ADGRL2: variants seen among roughly 807,000 people sequenced by gnomAD.
ADGRL2 encodes calcium-independent alpha-latrotoxin receptor 2.
ADGRL2 carries 44 observed loss-of-function variants against 157.4 expected under a neutral mutation model. The ratio of observed to expected loss-of-function variants is 0.28; its 90% CI spans 0.22 to 0.36. The LOEUF is 0.36. Among genes scored for constraint, ADGRL2 ranks in the 10% least tolerant of loss-of-function variants. The pLI, the probability that ADGRL2 is intolerant of heterozygous loss-of-function variation, is 1.00. For missense variants in ADGRL2, 1,510 were observed against 1,768.9 expected (o/e 0.85, Z 2.63); for synonymous variants, 585 against 624.7 (o/e 0.94, Z 0.95).
chr1:81,899,165 T>C (rs745972640), intron 2 of ADGRL2, among the ~76,000 whole-genome samples: 2 of 152,208 alleles, frequency 1.3e-5, no homozygotes, highest in Non-Finnish European at 2.9e-5. Context: ...TTTACAGAAA[T>C]GTTTTAAGGA....
chr1:81,691,580 C>T (rs956010549), intron 3 of ADGRL2, among the ~76,000 whole-genome samples: 10 of 151,794 alleles, frequency 6.6e-5, no homozygotes, highest in African/African-American at 2.4e-4. Context: ...CTCACTGCAA[C>T]CTCCACTTCC....
intron 3 of ADGRL2, among the ~76,000 whole-genome samples, chr1:81,600,828 A>G (rs1330736368): frequency 6.6e-6 from 1 of 152,246 alleles, no homozygotes; most frequent in African/African-American, 2.4e-5. Context: ...GATTTACTTA[A>G]AAACCTGGAG....
intron 1 of ADGRL2, among the ~76,000 whole-genome samples, chr1:81,441,993 C>G (rs1019064547): frequency 6.6e-6 from 1 of 152,066 alleles, no homozygotes; most frequent in Admixed American, 6.6e-5. Flanking sequence ...ACTACCATGC[C>G]TGGTTAATTT....
At chr1:81,661,470 G>T (rs185055528) in intron 3 of ADGRL2, among the ~76,000 whole-genome samples, 1 of 152,232 alleles carries the variant, frequency 6.6e-6, no homozygotes, top group African/African-American at 2.4e-5. Flanking sequence ...CATGGAAAAA[G>T]CATCTAAATA....
intron 3 of ADGRL2, among the ~76,000 whole-genome samples, chr1:81,932,418 T>C (rs2095246301): frequency 6.6e-6 from 1 of 152,238 alleles, no homozygotes; most frequent in South Asian, 2.1e-4. Flanking sequence ...ATTAACATTG[T>C]AAACTGTATT....
At chr1:81,730,728 GAAA>G (rs35484703) in intron 1 of ADGRL2, among the ~76,000 whole-genome samples, 17,241 of 141,340 alleles carry the variant, frequency 0.12, 1,252 homozygotes, top group African/African-American at 0.21. Context: ...ATCTCAAAAA[GAAA>G]AAAAAAAAAT....
intron 3 of ADGRL2, among the ~76,000 whole-genome samples, chr1:81,668,528 C>G (rs2082800076): frequency 1.3e-5 from 1 of 79,694 alleles, no homozygotes; most frequent in Non-Finnish European, 3.0e-5. Context: ...TATAATTTCA[C>G]TTGCTTGGAT....
chr1:81,865,173 C>G (rs143860732), intron 2 of ADGRL2, among the ~76,000 whole-genome samples: 1 of 152,134 alleles, frequency 6.6e-6, no homozygotes, highest in East Asian at 1.9e-4. Flanking sequence ...CAGGTTTCTT[C>G]TACATTCCCA....
In ADGRL2 at chr1:81,836,270, A is replaced by G. The variant is rs182267526; in HGVS notation, c.-100-615A>G. On this transcript the variant is annotated intron_variant, in intron 1 of 23. Coordinates refer to ENST00000686636, the MANE Select transcript of ADGRL2 (RefSeq NM_001366006.2). ...ATTATGTAGAATAAAATAATAGGAA[A>G]CGAACATGAAGAAACTGTAAGATGT... Among the ~76,000 whole-genome samples the G allele has an allele frequency of 4.8e-3, 734 of 152,150 alleles. 3 individuals are homozygous for G. The highest frequency in any genetic ancestry group is 7.8e-3 in the Non-Finnish European group (533 of 67,962).
intron 3 of ADGRL2, among the ~76,000 whole-genome samples, chr1:81,663,317 G>A (rs920055359): frequency 6.6e-6 from 1 of 152,000 alleles, no homozygotes; most frequent in African/African-American, 2.4e-5. Flanking sequence ...GTCTGCATAA[G>A]ACAACCTTTG....
chr1:81,523,137 A>G (rs1441519452), intron 2 of ADGRL2, among the ~76,000 whole-genome samples: 1 of 152,194 alleles, frequency 6.6e-6, no homozygotes, highest in Non-Finnish European at 1.5e-5. Flanking sequence ...ACTTGCATAG[A>G]TAGAGACCCA....
chr1:81,580,625 G>A (rs1396249929), intron 2 of ADGRL2, among the ~76,000 whole-genome samples: 1 of 152,028 alleles, frequency 6.6e-6, no homozygotes, highest in African/African-American at 2.4e-5. Context: ...AATTTAAATG[G>A]CTTACAGACA....
chr1:81,789,065 A>G (rs1054620698), intron 2 of ADGRL2, among the ~76,000 whole-genome samples: 1 of 152,186 alleles, frequency 6.6e-6, no homozygotes, highest in Non-Finnish European at 1.5e-5. Flanking sequence ...GAGTTGACAG[A>G]TGATAGATTA....
chr1:81,772,677 C>T (rs1267702554), intron 2 of ADGRL2, among the ~76,000 whole-genome samples: 1 of 151,914 alleles, frequency 6.6e-6, no homozygotes. Flanking sequence ...TGCAGTGAGC[C>T]GAGACTGCGC....
intron 1 of ADGRL2, among the ~76,000 whole-genome samples, chr1:81,394,362 C>G (rs2076615265): frequency 6.6e-6 from 1 of 152,090 alleles, no homozygotes; most frequent in Non-Finnish European, 1.5e-5. Flanking sequence ...TCTATCCCCC[C>G]TCCTCCTGTA....
At chr1:81,822,661 C>T (rs1160882910) in intron 1 of ADGRL2, among the ~76,000 whole-genome samples, 3 of 151,936 alleles carry the variant, frequency 2.0e-5, no homozygotes, top group African/African-American at 2.4e-5. Context: ...TATAGGCCTG[C>T]GCCACCACAC....
intron 2 of ADGRL2, among the ~76,000 whole-genome samples, chr1:81,559,523 T>A (rs1014931224): frequency 2.0e-5 from 3 of 152,026 alleles, no homozygotes; most frequent in Middle Eastern, 3.2e-3. Context: ...TTGAATCAAA[T>A]AGAATTTATA....
At chr1:81,819,541 CAT>C (rs911326051) in intron 1 of ADGRL2, among the ~76,000 whole-genome samples, 27 of 152,052 alleles carry the variant, frequency 1.8e-4, no homozygotes, top group African/African-American at 6.0e-4. Flanking sequence ...TGTATACCTG[CAT>C]ATGTTTTTAC....
At chr1:81,868,866 C>T (rs2093620083) in intron 2 of ADGRL2, among the ~76,000 whole-genome samples, 1 of 152,064 alleles carries the variant, frequency 6.6e-6, no homozygotes, top group African/African-American at 2.4e-5. Flanking sequence ...TTTTACTCAG[C>T]CACTCACAGG....
Sources: allele counts gnomAD v4.1 joint callset (sites outside exome capture counted in the v4.1 genomes callset), GRCh38; gene constraint gnomAD v4.1.1; transcripts MANE v1.5; gene names NCBI Gene and HGNC (gene_info 2026-07-23, HGNC 2026-07-21).